Variants in CHL1 observed in about 807,000 individuals in gnomAD.
CHL1 encodes cell adhesion molecule L1 like, also known as neural cell adhesion molecule L1-like protein.
CHL1 carries 96 observed loss-of-function variants against 141.9 expected under a neutral mutation model. That is an observed-to-expected ratio of 0.68 (90% CI 0.57 to 0.80). The LOEUF is 0.80. CHL1 is among the 30% of genes least tolerant of loss of function. The pLI, the probability that CHL1 is intolerant of heterozygous loss-of-function variation, is 0.00. For synonymous variants in CHL1, 613 were observed against 502.2 expected (o/e 1.22, Z -2.95); for missense variants, 1,820 against 1,457.2 (o/e 1.25, Z -4.05).
intron 5 of CHL1, among the ~76,000 whole-genome samples, chr3:338,668 C>T (rs1702126604): frequency 1.3e-5 from 2 of 152,174 alleles, no homozygotes; most frequent in African/African-American, 4.8e-5. Context: ...GTATGCGTCC[C>T]TGTTTTCCAA....
intron 26 of CHL1, among the ~76,000 whole-genome samples, chr3:400,839 G>A (rs969410187): frequency 1.3e-5 from 2 of 148,542 alleles, no homozygotes; most frequent in Non-Finnish European, 3.0e-5. Flanking sequence ...GTGGAGACCT[G>A]AATATTCAGA....
At chr3:369,586 T>C (rs566610192) in intron 15 of CHL1, among the ~76,000 whole-genome samples, 7 of 152,354 alleles carry the variant, frequency 4.6e-5, no homozygotes, top group Admixed American at 3.9e-4. Flanking sequence ...GAATACCCTT[T>C]ATTTTTTTCT....
chr3:395,869 A>G (rs534649602), intron 24 of CHL1, among the ~76,000 whole-genome samples: 1 of 152,274 alleles, frequency 6.6e-6, no homozygotes, highest in African/African-American at 2.4e-5. Flanking sequence ...GGGGAAAAAT[A>G]GTAGAGAAAA....
chr3:395,793 G>A (rs75480426), intron 24 of CHL1, among the ~76,000 whole-genome samples: 2,242 of 152,338 alleles, frequency 0.015, 59 homozygotes, highest in African/African-American at 0.051. Context: ...GTCAGACTGT[G>A]TTCTGGATGC....
At chr3:329,166 T>C (rs893394956) in intron 5 of CHL1, among the ~76,000 whole-genome samples, 2 of 152,106 alleles carry the variant, frequency 1.3e-5, no homozygotes, top group African/African-American at 4.8e-5. Flanking sequence ...TTTCCCCCTG[T>C]TCTTAATATA....
chr3:213,948 ATAT>A (rs1700098553), intron 1 of CHL1, among the ~76,000 whole-genome samples: 1 of 152,226 alleles, frequency 6.6e-6, no homozygotes, highest in African/African-American at 2.4e-5. Context: ...GCTTCCTCAC[ATAT>A]TATAAAACAG....
chr3:289,959 G>A (rs1223461201), intron 2 of CHL1, among the ~76,000 whole-genome samples: 1 of 124,472 alleles, frequency 8.0e-6, no homozygotes, highest in African/African-American at 3.5e-5. Context: ...TTTTGAGATG[G>A]AGTCTCACTC....
intron 2 of CHL1, among the ~76,000 whole-genome samples, chr3:270,005 G>T (rs1292021954): frequency 6.6e-6 from 1 of 152,172 alleles, no homozygotes; most frequent in Admixed American, 6.5e-5. Flanking sequence ...CCCAGTAGAG[G>T]GGCCAGGCTA....
chr3:330,402 T>A (rs1206301413), intron 5 of CHL1, among the ~76,000 whole-genome samples: 4 of 152,116 alleles, frequency 2.6e-5, no homozygotes, highest in South Asian at 2.1e-4. Flanking sequence ...AAATTAATGA[T>A]CTTAGCTTAT....
intron 1 of CHL1, among the ~76,000 whole-genome samples, chr3:209,752 C>T (rs1699744008): frequency 1.3e-5 from 2 of 152,182 alleles, no homozygotes; most frequent in African/African-American, 4.8e-5. Context: ...TGATGTTCCC[C>T]ACCCTGTGTC....
intron 10 of CHL1, among the ~76,000 whole-genome samples, chr3:351,358 A>G (rs1261351161): frequency 6.6e-6 from 1 of 152,180 alleles, no homozygotes; most frequent in Non-Finnish European, 1.5e-5. Context: ...CTCTTTAGTA[A>G]GAAACTATTA....
At chr3:272,610 T>A (rs544148186) in intron 2 of CHL1, among the ~76,000 whole-genome samples, 2 of 152,334 alleles carry the variant, frequency 1.3e-5, no homozygotes, top group South Asian at 4.1e-4. Context: ...GAATTTTAGA[T>A]CTTACAATTA....
rs539727940 is a variant in CHL1, at chr3:406,865, T to C, written c.*1154T>C. ...CATATAAATATTGAGGGAAATGTTTTCATATTTTTCAAAATAGGTTTTTAT... is the reference window on the plus strand; with the variant it reads ...CATATAAATATTGAGGGAAATGTTTCCATATTTTTCAAAATAGGTTTTTAT... On this transcript the variant is annotated 3_prime_UTR_variant, in exon 28 of 28. Transcript: ENST00000256509. 6.6e-6 allele frequency: 1 copy of C among 152,280 alleles called. No individual in the cohort carries two copies. 9.4% of individuals were successfully genotyped at this position (152,280 alleles called of 1,614,324 possible).
intron 5 of CHL1, among the ~76,000 whole-genome samples, chr3:338,728 G>A (rs891433842): frequency 2.6e-5 from 4 of 152,166 alleles, no homozygotes; most frequent in African/African-American, 4.8e-5. Context: ...TATGGCACGC[G>A]ATAGCAGTTT....
At chr3:277,365 G>A (rs1390521145) in intron 2 of CHL1, among the ~76,000 whole-genome samples, 2 of 152,186 alleles carry the variant, frequency 1.3e-5, no homozygotes, top group African/African-American at 2.4e-5. Flanking sequence ...CCAGGAATGA[G>A]TAACTAGTGC....
At chr3:323,224 T>A (rs1329451826) in intron 3 of CHL1, among the ~76,000 whole-genome samples, 1 of 152,068 alleles carries the variant, frequency 6.6e-6, no homozygotes, top group Non-Finnish European at 1.5e-5. Flanking sequence ...TGACCATATA[T>A]AAGGTCATTG....
chr3:335,423 A>G (rs1701784183), intron 5 of CHL1, among the ~76,000 whole-genome samples: 1 of 152,206 alleles, frequency 6.6e-6, no homozygotes, highest in Admixed American at 6.5e-5. Flanking sequence ...AAGTGGATTA[A>G]TGGGATGTTC....
chr3:379,661 C>T (rs1706786451), intron 16 of CHL1, among the ~76,000 whole-genome samples: 1 of 151,926 alleles, frequency 6.6e-6, no homozygotes, highest in Admixed American at 6.6e-5. Context: ...GATTAGGCTG[C>T]CATTTTTGGA....
At chr3:232,186 C>G (rs1298506579) in intron 1 of CHL1, among the ~76,000 whole-genome samples, 1 of 152,140 alleles carries the variant, frequency 6.6e-6, no homozygotes, top group Admixed American at 6.6e-5. Flanking sequence ...ACCGGAGAAT[C>G]ATGATCTCAT....
Sources: allele counts gnomAD v4.1 joint callset (sites outside exome capture counted in the v4.1 genomes callset), GRCh38; gene constraint gnomAD v4.1.1; transcripts MANE v1.5; gene names NCBI Gene and HGNC (gene_info 2026-07-23, HGNC 2026-07-21).